The following LAYN variants were observed in gnomAD, a reference collection of about 807,000 sequenced individuals.
The protein encoded by LAYN is layilin.
In LAYN, 38 loss-of-function variants were observed where a neutral mutation model predicts 43.6. The ratio of observed to expected loss-of-function variants is 0.87; its 90% confidence interval spans 0.67 to 1.14. The LOEUF is 1.14. Ranked by LOEUF, LAYN falls within the 50% of genes most tolerant of loss-of-function variation. The pLI is 0.00. For missense variants in LAYN, 479 were observed against 463.8 expected (o/e 1.03, Z -0.30); for synonymous variants, 168 against 172.9 (o/e 0.97, Z 0.22).
intron 5 of LAYN, 58 bp downstream of exon 5, chr11:111,555,348 AC>A: frequency 8.0e-7 from 1 of 1,257,538 alleles, no homozygotes; most frequent in Non-Finnish European, 1.2e-6. Context: ...ATTACAAATT[AC>A]CCATGGTTGA....
In LAYN at chr11:111,560,558, C is replaced by T. The variant is rs1234275128; in HGVS notation, c.*100C>T. On this transcript the variant is annotated 3_prime_UTR_variant, in exon 7 of 7. Coordinates refer to ENST00000375614, the MANE Select transcript of LAYN (RefSeq NM_178834.5). Reference sequence around the variant, plus strand: ...AATACACAGAAGGTCTATGAACAAGCTTAGATCAGGTCCTGTGGATGAGCA... The same window carrying T: ...AATACACAGAAGGTCTATGAACAAGTTTAGATCAGGTCCTGTGGATGAGCA... 2 of 1,321,338 alleles carry T rather than the reference C, an allele frequency of 1.5e-6. No homozygotes were observed. The highest frequency in any genetic ancestry group is 1.5e-5 in the South Asian group (1 of 65,582). 81.9% of individuals were successfully genotyped at this position (1,321,338 alleles called of 1,614,324 possible).
chr11:111,552,811 C>G (rs950638376), intron 3 of LAYN, among the ~76,000 whole-genome samples: 14 of 152,296 alleles, frequency 9.2e-5, no homozygotes, highest in Non-Finnish European at 1.3e-4. Flanking sequence ...GATTTTATGG[C>G]TATCCTGTAG....
chr11:111,544,910 A>C (rs1161094118), intron 2 of LAYN, among the ~76,000 whole-genome samples: 1 of 152,142 alleles, frequency 6.6e-6, no homozygotes, highest in African/African-American at 2.4e-5. Flanking sequence ...ATAAAGAGAC[A>C]AAAGACCTGA....
intron 2 of LAYN, among the ~76,000 whole-genome samples, chr11:111,547,458 C>T (rs78972729): frequency 0.02 from 3,042 of 152,234 alleles, 107 homozygotes; most frequent in African/African-American, 0.068. Context: ...TGACAGAGGA[C>T]GGTAAAAATT....
rs1867952549 is a variant in LAYN at position 111,561,255 on chromosome 11, G to T, written c.*797G>T. ...TGCGCCTGCAGTCCCAGCTACTCAG[G>T]AGGCCGAGGTGGGGGAATTGCTTGA... On this transcript the variant is annotated 3_prime_UTR_variant, in exon 7 of 7. Coordinates refer to ENST00000375614, the MANE Select transcript of LAYN (RefSeq NM_178834.5). 1 of 152,260 alleles carries T rather than the reference G, an allele frequency of 6.6e-6. No homozygotes were observed. Among genetic ancestry groups the T allele is most frequent in the Non-Finnish European group, 1.5e-5 (1 of 68,088 alleles). 9.4% of individuals were successfully genotyped at this position (152,260 alleles called of 1,614,324 possible). A position where few individuals can be genotyped will look rare whatever the true frequency, so the allele number is the denominator to read the frequency against.
At chr11:111,541,481 A>G (rs2135787769) in intron 1 of LAYN, 1 of 1,361,270 alleles carries the variant, frequency 7.3e-7, no homozygotes, top group East Asian at 2.5e-5. Flanking sequence ...ATCGGGAAAG[A>G]ACTCCAGTTA....
At chr11:111,553,000 G>A (rs939980253) in intron 3 of LAYN, among the ~76,000 whole-genome samples, 15 of 152,050 alleles carry the variant, frequency 9.9e-5, no homozygotes, top group African/African-American at 3.6e-4. Context: ...CCCGAATCTT[G>A]GTTTCCTCAT....
rs561660354 is a variant in LAYN, at chr11:111,558,198, C to CTATTT, written c.761+577_761+581dup. Among the ~76,000 whole-genome samples the CTATTT allele has an allele frequency of 2.8e-3, 429 of 152,146 alleles. 4 individuals are homozygous for CTATTT. The highest frequency in any genetic ancestry group is 9.5e-3 in the African/African-American group (394 of 41,444). The stretch of plus-strand genomic sequence containing the variant: ...TGTATATGGTCAGGATCGTGTGCCA[C>CTATTT]TATTTTATTTTATTTTATTTTATTT... On this transcript the variant is annotated intron_variant, in intron 6 of 6. Coordinates refer to ENST00000375614, the MANE Select transcript of LAYN (RefSeq NM_178834.5).
chr11:111,553,376 AGCTGAAGCTG>A (rs1867776169), intron 3 of LAYN, among the ~76,000 whole-genome samples: 1 of 152,086 alleles, frequency 6.6e-6, no homozygotes, highest in Non-Finnish European at 1.5e-5. Context: ...CATTTTGGGA[AGCTGAAGCTG>A]GTGGATCACT....
intron 3 of LAYN, among the ~76,000 whole-genome samples, chr11:111,553,751 CACTTAT>C (rs991244907): frequency 1.3e-5 from 2 of 150,746 alleles, no homozygotes; most frequent in African/African-American, 4.9e-5. Flanking sequence ...CACACACACA[CACTTAT>C]GGGAAGATGA....
In LAYN at chr11:111,540,820, CG is replaced by C; in HGVS notation, c.-18del. The C allele has an allele frequency of 2.6e-6, 4 of 1,518,654 alleles. No individual in the cohort carries two copies. The highest frequency in any genetic ancestry group is 2.6e-5 in the East Asian group (1 of 39,000). The allele number at this position is 1,518,654 out of a possible 1,614,324, so 94.1% of individuals were successfully genotyped here. ...CTCCACCGCCGTAGCGCCCGAGTGTCGGGGGGCGCACCCGAGTCGGGCCATG... is the reference window on the plus strand; with the variant it reads ...CTCCACCGCCGTAGCGCCCGAGTGTCGGGGGCGCACCCGAGTCGGGCCATG... On this transcript the variant is annotated 5_prime_UTR_variant, in exon 1 of 7. Coordinates refer to ENST00000375614, the MANE Select transcript of LAYN (RefSeq NM_178834.5).
chr11:111,552,450 C>T (rs571287424), intron 3 of LAYN, among the ~76,000 whole-genome samples: 2 of 152,188 alleles, frequency 1.3e-5, no homozygotes, highest in African/African-American at 2.4e-5. Flanking sequence ...CCCATTATGT[C>T]AGAGTGGCAA....
intron 1 of LAYN, among the ~76,000 whole-genome samples, chr11:111,543,313 T>C (rs945303012): frequency 6.6e-6 from 1 of 152,234 alleles, no homozygotes; most frequent in African/African-American, 2.4e-5. Flanking sequence ...GTTAAGCCCT[T>C]ACCATAGTTT....
chr11:111,550,970 AGT>A (rs757323263), intron 3 of LAYN, among the ~76,000 whole-genome samples: 2 of 152,194 alleles, frequency 1.3e-5, no homozygotes, highest in African/African-American at 2.4e-5. Flanking sequence ...TGCCTATATT[AGT>A]CACACTAAGT....
chr11:111,559,950 C>T (rs1190486032), intron 6 of LAYN, 145 bp from the exon 7 acceptor site: 7 of 894,744 alleles, frequency 7.8e-6, no homozygotes, highest in East Asian at 2.4e-5. Context: ...CCTCCCACTC[C>T]GAAGCCCTGG....
chr11:111,543,650 G>A (rs1229729380), intron 1 of LAYN, among the ~76,000 whole-genome samples: 3 of 152,158 alleles, frequency 2.0e-5, no homozygotes. Flanking sequence ...CTAAAGGACA[G>A]TCAAAATAAA....
rs1245771048 is a variant in LAYN at position 111,545,188 on chromosome 11, C to T, written c.383+968C>T. On this transcript the variant is annotated intron_variant, in intron 2 of 6. Transcript: ENST00000375614. ...CTGGGAGTAGCTCCTCCAGGATTCT[C>T]ATGAGCCTGTCTTCCTGGGAGAAAC... Among the ~76,000 whole-genome samples, 4 of 152,112 alleles carry T rather than the reference C, an allele frequency of 2.6e-5. No homozygotes were observed. In the East Asian group the frequency reaches 5.8e-4, roughly 22 times the overall value.
chr11:111,557,678 C>T (rs1867871872), intron 6 of LAYN, 35 bp downstream of exon 6: 1 of 1,491,190 alleles, frequency 6.7e-7, no homozygotes, highest in East Asian at 2.3e-5. Context: ...ACCTTTGCAT[C>T]TTCTGCTCTC....
intron 3 of LAYN, among the ~76,000 whole-genome samples, chr11:111,551,982 A>G (rs1451117787): frequency 6.7e-6 from 1 of 148,600 alleles, no homozygotes; most frequent in Non-Finnish European, 1.5e-5. Context: ...ACTTGTTTGC[A>G]GGAAAAATGT....
Sources: gnomAD v4.1 joint callset for allele counts (sites outside exome capture counted in the v4.1 genomes callset) on GRCh38, gnomAD v4.1.1 for gene constraint, MANE v1.5 for transcripts, NCBI Gene and HGNC (gene_info 2026-07-23, HGNC 2026-07-21) for gene names.